Variants in MAGI2 observed in about 807,000 individuals in gnomAD.
MAGI2 encodes the protein membrane associated guanylate kinase, WW and PDZ domain containing 2, also known as membrane-associated guanylate kinase, WW and PDZ domain-containing protein 2.
Under a neutral mutation model 133.3 loss-of-function variants are expected in MAGI2, and 35 were observed. That is an observed-to-expected ratio of 0.26 (90% CI 0.20 to 0.35). The LOEUF (loss-of-function observed/expected upper bound fraction) is 0.35. Ranked by LOEUF, MAGI2 falls within the 10% of genes least tolerant of loss-of-function variation. The pLI is 1.00. For synonymous variants in MAGI2, 729 were observed against 710.6 expected (o/e 1.03, Z -0.41); for missense variants, 1,636 against 1,863.4 (o/e 0.88, Z 2.25).
intron 1 of MAGI2, among the ~76,000 whole-genome samples, chr7:79,371,373 T>C (rs1843036860): frequency 6.6e-6 from 1 of 152,032 alleles, no homozygotes; most frequent in Non-Finnish European, 1.5e-5. Flanking sequence ...AGAATTGCAT[T>C]ACTAAAAGGA....
chr7:78,717,159 C>A (rs1819793163), intron 2 of MAGI2, among the ~76,000 whole-genome samples: 1 of 152,136 alleles, frequency 6.6e-6, no homozygotes, highest in Non-Finnish European at 1.5e-5. Context: ...CCTGCGCTCG[C>A]TGGTGCTCCC....
At chr7:78,807,288 A>G (rs1179568843) in intron 2 of MAGI2, among the ~76,000 whole-genome samples, 1 of 152,178 alleles carries the variant, frequency 6.6e-6, no homozygotes, top group East Asian at 1.9e-4. Context: ...AAAAGTATTT[A>G]TGAATGCATT....
intron 20 of MAGI2, among the ~76,000 whole-genome samples, chr7:78,100,817 C>T (rs566502982): frequency 1.3e-5 from 2 of 152,150 alleles, no homozygotes; most frequent in Admixed American, 1.3e-4. Context: ...GAGAATTTAC[C>T]AGAAAAGCTG....
rs576458994 is a variant in MAGI2, at chr7:78,219,625, C to T, written c.2048-18432G>A. On this transcript the variant is annotated intron_variant, in intron 10 of 21. Coordinates refer to ENST00000354212, the MANE Select transcript of MAGI2 (RefSeq NM_012301.4). The stretch of plus-strand genomic sequence containing the variant: ...TTTACACTGACTATTCTACAGGGCC[C>T]ACAGACTCACATCCAATAATGAATG... 1.0e-3 allele frequency among the ~76,000 whole-genome samples: 158 copies of T among 152,292 alleles called. 1 individual carries two copies. Among genetic ancestry groups the T allele is most frequent in the South Asian group, 3.5e-3 (17 of 4,812 alleles).
At chr7:78,191,588 G>A (rs1436431677) in intron 12 of MAGI2, among the ~76,000 whole-genome samples, 2 of 152,184 alleles carry the variant, frequency 1.3e-5, no homozygotes, top group African/African-American at 2.4e-5. Context: ...GTTGATTGAT[G>A]TGGAGCCTGG....
At chr7:79,383,417 G>A (rs756594251) in intron 1 of MAGI2, among the ~76,000 whole-genome samples, 2 of 151,542 alleles carry the variant, frequency 1.3e-5, no homozygotes, top group Non-Finnish European at 3.0e-5. Flanking sequence ...TTAAAATGTA[G>A]TTAATACAGG....
At chr7:78,861,175 C>T (rs567664624) in intron 2 of MAGI2, among the ~76,000 whole-genome samples, 27 of 152,288 alleles carry the variant, frequency 1.8e-4, no homozygotes, top group East Asian at 1.2e-3. Context: ...GGGAATTCCC[C>T]GACCCCTTGC....
intron 7 of MAGI2, among the ~76,000 whole-genome samples, chr7:78,358,095 C>T (rs904931199): frequency 1.5e-5 from 2 of 131,946 alleles, no homozygotes; most frequent in African/African-American, 2.9e-5. Context: ...CCTGGGAAGT[C>T]GAGGCTGCAG....
intron 3 of MAGI2, among the ~76,000 whole-genome samples, chr7:78,539,290 A>G (rs1798218437): frequency 6.6e-6 from 1 of 151,786 alleles, no homozygotes; most frequent in Non-Finnish European, 1.5e-5. Context: ...TTTTGTTTTT[A>G]ATTCTGTTTA....
At chr7:78,975,762 A>C (rs1804187600) in intron 2 of MAGI2, among the ~76,000 whole-genome samples, 1 of 151,694 alleles carries the variant, frequency 6.6e-6, no homozygotes, top group Non-Finnish European at 1.5e-5. Context: ...AAAATGAACA[A>C]GTCTTTTACC....
chr7:79,443,911 G>T (rs1848662193), intron 1 of MAGI2, among the ~76,000 whole-genome samples: 1 of 152,042 alleles, frequency 6.6e-6, no homozygotes, highest in Admixed American at 6.5e-5. Context: ...TAAAATCCAT[G>T]GTACTTACAG....
chr7:79,248,078 G>A (rs1174615398), intron 1 of MAGI2, among the ~76,000 whole-genome samples: 1 of 151,970 alleles, frequency 6.6e-6, no homozygotes, highest in Non-Finnish European at 1.5e-5. Context: ...GTAGCTGAGT[G>A]GATGAAGAAA....
At chr7:78,744,767 G>A (rs1434182000) in intron 2 of MAGI2, among the ~76,000 whole-genome samples, 1 of 152,048 alleles carries the variant, frequency 6.6e-6, no homozygotes, top group African/African-American at 2.4e-5. Context: ...GCAGTGATTT[G>A]GTTTTAAAAC....
chr7:79,364,207 G>T (rs1842545984), intron 1 of MAGI2, among the ~76,000 whole-genome samples: 1 of 151,890 alleles, frequency 6.6e-6, no homozygotes, highest in Admixed American at 6.6e-5. Context: ...ACTAAAAGTA[G>T]AACAACCATA....
chr7:78,138,646 C>T (rs202002179), intron 16 of MAGI2, among the ~76,000 whole-genome samples: 17,343 of 149,642 alleles, frequency 0.12, 1,243 homozygotes, highest in South Asian at 0.18. Flanking sequence ...CACACACACA[C>T]ACACACACAC....
intron 3 of MAGI2, among the ~76,000 whole-genome samples, chr7:78,551,171 T>G (rs187621645): frequency 9.6e-4 from 146 of 152,336 alleles, no homozygotes; most frequent in African/African-American, 3.4e-3. Context: ...TATAGTACAA[T>G]TTTTATCATT....
chr7:78,661,643 T>G (rs924178487), intron 2 of MAGI2, among the ~76,000 whole-genome samples: 5 of 152,214 alleles, frequency 3.3e-5, no homozygotes, highest in African/African-American at 1.2e-4. Flanking sequence ...TAGACCAGTG[T>G]GTAGCTGCTT....
intron 9 of MAGI2, among the ~76,000 whole-genome samples, chr7:78,273,682 A>G (rs1457822357): frequency 6.6e-6 from 1 of 151,200 alleles, no homozygotes; most frequent in Non-Finnish European, 1.5e-5. Flanking sequence ...TTTTTCATTG[A>G]GTTGATATCA....
At chr7:78,110,683 C>T (rs3779303) in intron 20 of MAGI2, among the ~76,000 whole-genome samples, 5,773 of 152,194 alleles carry the variant, frequency 0.038, 131 homozygotes, top group East Asian at 0.065. Flanking sequence ...TCAAGTTGAA[C>T]CATGCAGGAG....
Sources: allele counts gnomAD v4.1 joint callset (sites outside exome capture counted in the v4.1 genomes callset), GRCh38; gene constraint gnomAD v4.1.1; transcripts MANE v1.5; gene names NCBI Gene and HGNC (gene_info 2026-07-23, HGNC 2026-07-21).